COPE: variants seen among roughly 807,000 people sequenced by gnomAD.
COPE encodes coat protein complex I subunit epsilon.
Under a neutral mutation model 42.1 loss-of-function variants are expected in COPE, and 19 were observed. The ratio of observed to expected loss-of-function variants is 0.45; its 90% CI spans 0.31 to 0.66. The LOEUF (loss-of-function observed/expected upper bound fraction) is 0.66, where lower values mean the gene tolerates loss of function less well. COPE is among the 30% of genes least tolerant of loss of function. The pLI is 0.05. For synonymous variants in COPE, 195 were observed against 181.3 expected (o/e 1.08, Z -0.60); for missense variants, 402 against 416.1 (o/e 0.97, Z 0.30).
intron 5 of COPE, among the ~76,000 whole-genome samples, chr19:18,905,078 GCCA>G (rs746824366): frequency 3.4e-4 from 52 of 152,328 alleles, no homozygotes; most frequent in South Asian, 1.0e-3. Context: ...CCCCAGGGTG[GCCA>G]CCACAAGGTA....
At chr19:18,912,305 A>C (rs2056817673) in intron 2 of COPE, among the ~76,000 whole-genome samples, 1 of 151,760 alleles carries the variant, frequency 6.6e-6, no homozygotes, top group African/African-American at 2.4e-5. Flanking sequence ...TGCCACCATG[A>C]CTGTCTTATT....
chr19:18,904,844 A>T lies in COPE; in HGVS notation c.506T>A (p.Leu169Gln). ...CTCGTCCAGGTCCTGCATTCTCTTC[A>T]GCTCCTTCCTGGGGCGGGGACAGAT... is the stretch of plus-strand genomic sequence containing the variant. ...LDRLDLARKE[L>Q]KRMQDLDEDA... Residue 169 changes from leucine (L) to glutamine (Q), a missense_variant, in exon 6 of 10, where the codon CTG becomes CAG. Transcript: ENST00000262812. 1 of 1,554,236 alleles carries T rather than the reference A, an allele frequency of 6.4e-7. No individual in the cohort carries two copies. Among genetic ancestry groups the T allele is most frequent in the South Asian group, 1.2e-5 (1 of 84,190 alleles).
At chr19:18,911,290 T>G (rs955812425) in intron 2 of COPE, 1 of 570,360 alleles carries the variant, frequency 1.8e-6, no homozygotes, top group African/African-American at 1.9e-5. Context: ...ACACTGCCCA[T>G]GCCTTGAGCT....
intron 4 of COPE, 174 bp downstream of exon 4, chr19:18,906,786 G>T: frequency 1.5e-6 from 1 of 685,742 alleles, no homozygotes; most frequent in Non-Finnish European, 2.3e-6. Flanking sequence ...GCAGATGGGA[G>T]TGCCTCCCAC....
At chr19:18,903,931 G>A (rs2056733278) in intron 6 of COPE, among the ~76,000 whole-genome samples, 1 of 152,242 alleles carries the variant, frequency 6.6e-6, no homozygotes, top group East Asian at 1.9e-4. Flanking sequence ...GTCTGTCTGG[G>A]TGAGGCTTCA....
intron 1 of COPE, among the ~76,000 whole-genome samples, chr19:18,917,169 CTTTTT>C (rs1334457427): frequency 7.1e-6 from 1 of 141,322 alleles, no homozygotes; most frequent in African/African-American, 2.6e-5. Context: ...CTCCCTCTGC[CTTTTT>C]TTTTTTCTTT....
intron 1 of COPE, among the ~76,000 whole-genome samples, chr19:18,918,216 A>G (rs1238695514): frequency 6.6e-6 from 1 of 151,096 alleles, no homozygotes; most frequent in African/African-American, 2.4e-5. Flanking sequence ...AAAGAAAAGA[A>G]AAGAAAAAAG....
intron 1 of COPE, among the ~76,000 whole-genome samples, chr19:18,916,971 T>TAAAAAA (rs2056859211): frequency 8.1e-6 from 1 of 122,902 alleles, no homozygotes; most frequent in Non-Finnish European, 1.7e-5. Flanking sequence ...AAAAAAAAAG[T>TAAAAAA]ATTCCTTCAC....
At chr19:18,917,375 C>CT (rs935770227) in intron 1 of COPE, among the ~76,000 whole-genome samples, 32 of 143,656 alleles carry the variant, frequency 2.2e-4, no homozygotes, top group East Asian at 1.4e-3. Context: ...TTTCTTTTTT[C>CT]TTTTTTTTTA....
rs540185898 is a variant in COPE, at chr19:18,908,144, C to A, written c.291-1032G>T. Among the ~76,000 whole-genome samples, 8 of 152,244 alleles carry A rather than the reference C, an allele frequency of 5.3e-5. No individual in the cohort carries two copies. The East Asian group carries it at 1.4e-3, about 26-fold the overall frequency. On this transcript the variant is annotated intron_variant, in intron 3 of 9. Transcript: ENST00000262812. ...TGTCATCCTAAGGTGTTACAATTAC[C>A]AATGGGGCCGGGTACTGTGGCTCAC...
At chr19:18,904,093 G>A (rs1419356941) in intron 6 of COPE, among the ~76,000 whole-genome samples, 1 of 152,252 alleles carries the variant, frequency 6.6e-6, no homozygotes. Flanking sequence ...AGCCTCCTGA[G>A]TAGCTGGGTT....
chr19:18,900,396 C>T lies in COPE; in HGVS notation c.789G>A (p.Leu263=). 6.5e-7 allele frequency: 1 copy of T among 1,548,910 alleles called. No homozygotes were observed. The highest frequency in any genetic ancestry group is 8.7e-7 in the Non-Finnish European group (1 of 1,145,760). Residue 263 remains leucine (L), a synonymous_variant, in exon 8 of 10, where the codon CTG becomes CTA. Coordinates refer to ENST00000262812, the MANE Select transcript of COPE (RefSeq NM_007263.4). ...GGCCGCTTACCTCAGGGGGCTTGCC[C>T]AGGTGCTGGGACAGGACGATGAGGT... ...LVNLIVLSQH[L]GKPPEVTNRY...
chr19:18,906,169 G>A (rs74253302), intron 4 of COPE: 29,869 of 393,654 alleles, frequency 0.076, 1,248 homozygotes, highest in Middle Eastern at 0.11. Flanking sequence ...CCGGCTCGCC[G>A]ACAGTGTGAC....
At chr19:18,913,099 A>G in intron 1 of COPE, 53 bp from the exon 2 acceptor site, 1 of 1,517,742 alleles carries the variant, frequency 6.6e-7, no homozygotes, top group South Asian at 1.1e-5. Context: ...AGCGCAGCCC[A>G]CACAGGGTGA....
chr19:18,914,974 C>A (rs915900646), intron 1 of COPE, among the ~76,000 whole-genome samples: 1 of 151,982 alleles, frequency 6.6e-6, no homozygotes, highest in Non-Finnish European at 1.5e-5. Context: ...GAACCAGCCG[C>A]CTCGGCCTCC....
chr19:18,919,308 C>G lies in COPE; in HGVS notation c.41G>C (p.Gly14Ala), dbSNP rs776295332. Residue 14 changes from glycine (G) to alanine (A), a missense_variant, in exon 1 of 10, where the codon GGG (glycine) becomes GCG (alanine). Physicochemically the swap from Gly to Ala is moderately conservative, Grantham distance 60. Coordinates refer to ENST00000262812, the MANE Select transcript of COPE (RefSeq NM_007263.4). Reference protein sequence around the residue: ...PAPGPASGGSGEVDELFDVKN... With the variant: ...PAPGPASGGSAEVDELFDVKN... ...TACGTCGAACAGCTCGTCTACCTCCCCGGAGCCGCCGGAGGCCGGGCCGGG... is the reference window on the plus strand; with the variant it reads ...TACGTCGAACAGCTCGTCTACCTCCGCGGAGCCGCCGGAGGCCGGGCCGGG... 1 of 1,613,566 alleles carries G rather than the reference C, an allele frequency of 6.2e-7. No individual in the cohort carries two copies. The highest frequency in any genetic ancestry group is 8.5e-7 in the Non-Finnish European group (1 of 1,179,972).
At chr19:18,914,805 G>C (rs1170071686) in intron 1 of COPE, among the ~76,000 whole-genome samples, 1 of 148,958 alleles carries the variant, frequency 6.7e-6, no homozygotes, top group East Asian at 2.0e-4. Flanking sequence ...ACCCAGGTTG[G>C]AGTGCAGTGG....
At chr19:18,903,162 G>T in intron 7 of COPE, 106 bp downstream of exon 7, 2 of 1,225,746 alleles carry the variant, frequency 1.6e-6, no homozygotes, top group Non-Finnish European at 2.2e-6. Context: ...GGGGCCACAC[G>T]CACACCCAGG....
At chr19:18,919,190 C>A in intron 1 of COPE, 33 bp downstream of exon 1, 1 of 1,588,764 alleles carries the variant, frequency 6.3e-7, no homozygotes, top group Non-Finnish European at 8.6e-7. Context: ...CCGCCTCCGC[C>A]CCCAGCGTCC....
Sources: gnomAD v4.1 joint callset for allele counts (sites outside exome capture counted in the v4.1 genomes callset) on GRCh38, gnomAD v4.1.1 for gene constraint, MANE v1.5 for transcripts, NCBI Gene and HGNC (gene_info 2026-07-23, HGNC 2026-07-21) for gene names.